The following TRIM14 variants were observed in gnomAD, a reference collection of about 807,000 sequenced individuals.
TRIM14 encodes the protein tripartite motif containing 14.
TRIM14 carries 28 observed loss-of-function variants against 44.5 expected under a neutral mutation model. The ratio of observed to expected loss-of-function variants is 0.63; its 90% CI spans 0.47 to 0.86. The LOEUF is 0.86. TRIM14 is among the 40% of genes least tolerant of loss of function. The pLI, the probability that TRIM14 is intolerant of heterozygous loss-of-function variation, is 0.00. For missense variants in TRIM14, 607 were observed against 611.1 expected (o/e 0.99, Z 0.07); for synonymous variants, 299 against 269.2 (o/e 1.11, Z -1.08).
downstream of TRIM14, among the ~76,000 whole-genome samples, chr9:98,083,600 T>G (rs1221973814): frequency 2.0e-5 from 3 of 152,240 alleles, no homozygotes; most frequent in African/African-American, 7.2e-5. Context: ...ATGGCATGTG[T>G]TCCTTCTCTG....
At chr9:98,104,609 G>C (rs1274231264) in intron 2 of TRIM14, among the ~76,000 whole-genome samples, 2 of 152,188 alleles carry the variant, frequency 1.3e-5, no homozygotes, top group African/African-American at 2.4e-5. Context: ...ACGCCATCTG[G>C]TTTGGGTCCC....
downstream of TRIM14, chr9:98,081,162 C>G (rs1207658784): frequency 1.3e-6 from 2 of 1,561,394 alleles, no homozygotes; most frequent in Non-Finnish European, 1.7e-6. Flanking sequence ...ATGGTCAGGA[C>G]CAGCCCTCCC....
At chr9:98,056,780 A>C in the TRIM14 span, 1 of 1,554,628 alleles carries the variant, frequency 6.4e-7, no homozygotes, top group Non-Finnish European at 8.7e-7. Flanking sequence ...CCAGACTGGT[A>C]GTGAGGCTTT....
At chr9:98,092,463 C>A in intron 4 of TRIM14, 1 of 378,892 alleles carries the variant, frequency 2.6e-6, no homozygotes, top group Non-Finnish European at 5.3e-6. Flanking sequence ...AGGTTGCCTC[C>A]TTCCCAGCTA....
chr9:98,072,455 A>G (rs1329110311), intron 6 of TRIM14, among the ~76,000 whole-genome samples: 2 of 149,752 alleles, frequency 1.3e-5, no homozygotes, highest in Non-Finnish European at 3.0e-5. Flanking sequence ...TGTGTCGCCC[A>G]AGCTGGAGTG....
the TRIM14 span, among the ~76,000 whole-genome samples, chr9:98,055,255 G>A: frequency 6.6e-6 from 1 of 152,168 alleles, no homozygotes; most frequent in Non-Finnish European, 1.5e-5. Flanking sequence ...CTGACCTCAG[G>A]TGATCCACCC....
intron 2 of TRIM14, among the ~76,000 whole-genome samples, chr9:98,106,642 T>A (rs578000415): frequency 6.6e-6 from 1 of 152,320 alleles, no homozygotes; most frequent in South Asian, 2.1e-4. Flanking sequence ...ACATACAGAA[T>A]TTGTATGCTG....
At position 98,107,079 on chromosome 9, in the gene TRIM14, C is replaced by T. The variant is rs531911701; in HGVS notation, c.303+2810G>A. On this transcript the variant is annotated intron_variant, in intron 2 of 5. Transcript: ENST00000341469. ...CTACTGGGGGAATGCAAATTAAAAC[C>T]ATGATAAGGTATCACTACACACAGA... 2.6e-5 allele frequency among the ~76,000 whole-genome samples: 4 copies of T among 152,206 alleles called. No homozygotes were observed. The South Asian group carries it at 8.3e-4, about 32-fold the overall frequency.
chr9:98,100,024 AG>A lies in TRIM14; in HGVS notation c.443del (p.Ala148ValfsTer11). 1 of 1,614,216 alleles carries A rather than the reference AG, an allele frequency of 6.2e-7. No individual in the cohort carries two copies. Among genetic ancestry groups the A allele is most frequent in the Non-Finnish European group, 8.5e-7 (1 of 1,180,032 alleles). On this transcript the variant is annotated frameshift_variant, in exon 3 of 6. Coordinates refer to ENST00000341469, the MANE Select transcript of TRIM14 (RefSeq NM_014788.4). LOFTEE classifies it high-confidence loss of function. The part of the protein sequence containing the change: ...QLTLQVYREQ[A>X]DSCREQLDIM... ...TGTCAAGTTGCTCTCTGCAAGAGTC[AG>A]CTTGTTCCCTGTACACCTGGAGGGT...
chr9:98,098,861 C>T (rs1240556501), intron 3 of TRIM14, among the ~76,000 whole-genome samples: 3 of 152,058 alleles, frequency 2.0e-5, no homozygotes, highest in Non-Finnish European at 4.4e-5. Flanking sequence ...TCTCGTTACT[C>T]ACTGCAATCT....
chr9:98,059,723 G>GTTT, the TRIM14 span, among the ~76,000 whole-genome samples: 3 of 150,064 alleles, frequency 2.0e-5, no homozygotes, highest in Admixed American at 6.6e-5. Context: ...CCTCTTGAGT[G>GTTT]TTTTTTGTTT....
the TRIM14 span, among the ~76,000 whole-genome samples, chr9:98,042,591 G>A: frequency 2.0e-5 from 3 of 152,168 alleles, no homozygotes; most frequent in Admixed American, 6.5e-5. Flanking sequence ...GCTTACTTAG[G>A]CTGGGCGCAA....
At chr9:98,115,664 G>A (rs914840591) in intron 1 of TRIM14, among the ~76,000 whole-genome samples, 7 of 152,244 alleles carry the variant, frequency 4.6e-5, no homozygotes, top group African/African-American at 2.4e-5. Flanking sequence ...GTTTACAGGC[G>A]TGAGCCACCG....
intron 1 of TRIM14, among the ~76,000 whole-genome samples, chr9:98,111,436 A>G (rs1826850719): frequency 6.6e-6 from 1 of 151,998 alleles, no homozygotes; most frequent in Non-Finnish European, 1.5e-5. Flanking sequence ...AAACAAAACA[A>G]AAAACCTGGC....
chr9:98,091,899 G>A lies in TRIM14; in HGVS notation c.793+10C>T, dbSNP rs773804197. 3.8e-6 allele frequency: 6 copies of A among 1,580,480 alleles called. No homozygotes were observed. The highest frequency in any genetic ancestry group is 1.7e-5 in the Admixed American group (1 of 58,558). ...CGTCTCCACCCTATCCCCACTCCCG[G>A]GGGTCTTACATTTCAGCAATAGCGA... On this transcript the variant is annotated intron_variant, in intron 5 of 5. Coordinates refer to ENST00000341469, the MANE Select transcript of TRIM14 (RefSeq NM_014788.4).
intron 6 of TRIM14, chr9:98,078,355 G>A: frequency 6.2e-7 from 1 of 1,612,752 alleles, no homozygotes; most frequent in Non-Finnish European, 8.5e-7. Context: ...TCGGTGAGCA[G>A]GAGGGAGGGG....
At chr9:98,110,320 T>G (rs1826796228) in intron 1 of TRIM14, 1 of 324,472 alleles carries the variant, frequency 3.1e-6, no homozygotes, top group Non-Finnish European at 5.9e-6. Flanking sequence ...GGAAAGAACA[T>G]CTACTTATGG....
chr9:98,105,621 A>C (rs182766363), intron 2 of TRIM14, among the ~76,000 whole-genome samples: 2 of 152,324 alleles, frequency 1.3e-5, no homozygotes, highest in Admixed American at 1.3e-4. Context: ...AACAAAGTAA[A>C]TTCACTGATG....
At chr9:98,055,845 C>A in the TRIM14 span, among the ~76,000 whole-genome samples, 2 of 152,146 alleles carry the variant, frequency 1.3e-5, no homozygotes, top group Non-Finnish European at 2.9e-5. Flanking sequence ...TCAAGCGATT[C>A]TCCTGCCTCA....
Sources: gnomAD v4.1 joint callset for allele counts (sites outside exome capture counted in the v4.1 genomes callset) on GRCh38, gnomAD v4.1.1 for gene constraint, MANE v1.5 for transcripts, NCBI Gene and HGNC (gene_info 2026-07-23, HGNC 2026-07-21) for gene names.